The following CTR9 variants were observed in gnomAD, a reference collection of about 807,000 sequenced individuals.
CTR9 encodes RNA polymerase-associated protein CTR9 homolog.
CTR9 carries 41 observed loss-of-function variants against 152.1 expected under a neutral mutation model. The observed-to-expected ratio is 0.27, with a 90% CI of 0.21 to 0.35. CTR9 has a LOEUF of 0.35. CTR9 is among the 10% of genes least tolerant of loss of function. The pLI, the probability that CTR9 is intolerant of heterozygous loss-of-function variation, is 1.00. For missense variants in CTR9, 917 were observed against 1,424.4 expected (o/e 0.64, Z 5.73); for synonymous variants, 476 against 496.2 (o/e 0.96, Z 0.54).
chr11:10,752,583 G>T, intron 1 of CTR9, 89 bp from the exon 2 acceptor site: 1 of 860,516 alleles, frequency 1.2e-6, no homozygotes, highest in Non-Finnish European at 2.0e-6. Context: ...CTATGTATAT[G>T]CATGTTGATT....
chr11:10,775,442 C>T, intron 23 of CTR9, 79 bp from the exon 24 acceptor site: 11 of 1,374,602 alleles, frequency 8.0e-6, no homozygotes, highest in Non-Finnish European at 1.1e-5. Context: ...TTGATTGTAT[C>T]ATTGTAATGC....
At chr11:10,762,290 A>G (rs1862990545) in intron 7 of CTR9, among the ~76,000 whole-genome samples, 1 of 152,224 alleles carries the variant, frequency 6.6e-6, no homozygotes, top group African/African-American at 2.4e-5. Flanking sequence ...TGATGTGAAG[A>G]TTAGTAAAAC....
chr11:10,752,902 G>C, intron 2 of CTR9, 132 bp downstream of exon 2: 1 of 678,096 alleles, frequency 1.5e-6, no homozygotes, highest in Non-Finnish European at 2.5e-6. Flanking sequence ...AGTTAATTGT[G>C]TTAATAATTT....
intron 19 of CTR9, among the ~76,000 whole-genome samples, chr11:10,771,964 T>C (rs56146064): frequency 0.023 from 3,513 of 152,294 alleles, 63 homozygotes; most frequent in Middle Eastern, 0.065. Flanking sequence ...TTTGGAAACT[T>C]AACATAGTTG....
At chr11:10,760,916 A>G (rs1041184984) in intron 6 of CTR9, among the ~76,000 whole-genome samples, 3 of 152,180 alleles carry the variant, frequency 2.0e-5, no homozygotes, top group African/African-American at 7.2e-5. Context: ...TCTCATTATT[A>G]CATCGGTCTT....
intron 24 of CTR9, among the ~76,000 whole-genome samples, chr11:10,777,834 G>A (rs976120507): frequency 2.0e-5 from 3 of 152,152 alleles, no homozygotes; most frequent in Admixed American, 2.0e-4. Flanking sequence ...CGAACTCTGT[G>A]GGATTCAGTA....
At position 10,763,548 on chromosome 11, in the gene CTR9, T is replaced by A. The variant is rs1280505674; in HGVS notation, c.957+10T>A. ...ATCATTCCATGTTCAGGTAATTTTA[T>A]AACTTCTCTAAATGTCTAATCTTTT... On this transcript the variant is annotated intron_variant, in intron 8 of 24. Transcript: ENST00000361367. 3 of 1,587,486 alleles carry A rather than the reference T, an allele frequency of 1.9e-6. No homozygotes were observed. Among genetic ancestry groups the A allele is most frequent in the Middle Eastern group, 3.4e-4 (2 of 5,970 alleles).
intron 2 of CTR9, 148 bp from the exon 3 acceptor site, chr11:10,754,810 C>G (rs951107966): frequency 1.4e-6 from 1 of 738,032 alleles, no homozygotes; most frequent in East Asian, 2.7e-5. Flanking sequence ...GGATACACCA[C>G]AGCTTGTTTA....
At position 10,751,271 on chromosome 11, in the gene CTR9, A is replaced by G. The variant is rs1373460207; in HGVS notation, c.-142A>G. The G allele has an allele frequency of 1.1e-5, 9 of 819,332 alleles. No homozygotes were observed. The highest frequency in any genetic ancestry group is 1.8e-5 in the Non-Finnish European group (9 of 508,142). 50.8% of individuals were successfully genotyped at this position (819,332 alleles called of 1,614,324 possible). A position where few individuals can be genotyped will look rare whatever the true frequency, so the allele number is the denominator to read the frequency against. ...GTTGTTTAAGCGGCTGACGGGAAGG[A>G]GAAGCCAGAGCTCCAGCGGCGCCGC... On this transcript the variant is annotated 5_prime_UTR_variant, in exon 1 of 25. Transcript: ENST00000361367.
intron 7 of CTR9, among the ~76,000 whole-genome samples, chr11:10,762,268 A>G (rs1862990283): frequency 6.6e-6 from 1 of 152,176 alleles, no homozygotes; most frequent in African/African-American, 2.4e-5. Flanking sequence ...ACTGTACCCA[A>G]CACTGTGGTA....
In CTR9 at chr11:10,767,681, A is replaced by G; in HGVS notation, c.1687-125A>G. ...TGCAAAAAAAAAAAGAAAGAAAGAAAAGAAAGAAAACCACTGTTGTAATAT... is the reference window on the plus strand; with the variant it reads ...TGCAAAAAAAAAAAGAAAGAAAGAAGAGAAAGAAAACCACTGTTGTAATAT... On this transcript the variant is annotated intron_variant, in intron 13 of 24. Transcript: ENST00000361367. The surrounding 1 kb of genome is among the most constrained non-coding windows in gnomAD (Gnocchi z 4.0). The G allele has an allele frequency of 1.2e-6, 1 of 842,476 alleles. No individual in the cohort carries two copies. Among genetic ancestry groups the G allele is most frequent in the South Asian group, 1.9e-5 (1 of 51,682 alleles). The allele number at this position is 842,476 out of a possible 1,614,324, so 52.2% of individuals were successfully genotyped here.
At chr11:10,759,958 A>G (rs535438715) in intron 5 of CTR9, among the ~76,000 whole-genome samples, 3 of 152,302 alleles carry the variant, frequency 2.0e-5, no homozygotes, top group Non-Finnish European at 2.9e-5. Flanking sequence ...CTATAGTGAG[A>G]AATGTGTCAG....
intron 24 of CTR9, 60 bp from the exon 25 acceptor site, chr11:10,778,619 C>T: frequency 6.7e-7 from 1 of 1,499,250 alleles, no homozygotes; most frequent in Non-Finnish European, 9.1e-7. Flanking sequence ...ACATTGTCTG[C>T]TCATCAAGGC....
rs185081366 is a variant in CTR9 at position 10,765,557 on chromosome 11, G to C, written c.1597+826G>C. On this transcript the variant is annotated intron_variant, in intron 12 of 24. Coordinates refer to ENST00000361367, the MANE Select transcript of CTR9 (RefSeq NM_014633.5). ...GCTCACTGCAACCTCTGCCTCCCGG[G>C]TTGGAGTGATTCTCCTGCCTCAGCC... Among the ~76,000 whole-genome samples, 34 of 152,272 alleles carry C rather than the reference G, an allele frequency of 2.2e-4. No individual in the cohort carries two copies. In the East Asian group the frequency reaches 6.4e-3, roughly 29 times the overall value.
chr11:10,756,036 G>C (rs1464147474), intron 4 of CTR9, among the ~76,000 whole-genome samples: 5 of 152,188 alleles, frequency 3.3e-5, no homozygotes, highest in African/African-American at 1.2e-4. Context: ...TTGAGACCCT[G>C]TCTCGTTATA....
rs1039184387 is a variant in CTR9 at position 10,763,657 on chromosome 11, A to G, written c.972A>G (p.Gln324=). The change falls in exon 9 of 25, where the codon CAA becomes CAG. Residue 324 remains glutamine, a synonymous_variant. Transcript: ENST00000361367. ...RSFHVQEDYD[Q]AFQYYYQATQ... ...TCATTCTTTAGGAAGATTATGACCA[A>G]GCTTTTCAGTACTATTATCAAGCCA... 6 of 1,603,664 alleles carry G rather than the reference A, an allele frequency of 3.7e-6. No individual in the cohort carries two copies. The highest frequency in any genetic ancestry group is 1.4e-5 in the African/African-American group (1 of 74,028).
At chr11:10,772,728 A>G (rs948605086) in intron 20 of CTR9, 73 bp downstream of exon 20, 4 of 1,428,962 alleles carry the variant, frequency 2.8e-6, no homozygotes, top group Non-Finnish European at 3.7e-6. Flanking sequence ...GTTTAAAAAA[A>G]AAAGTCCTCT....
At chr11:10,773,397 C>A in intron 21 of CTR9, 124 bp downstream of exon 21, 1 of 1,130,376 alleles carries the variant, frequency 8.8e-7, no homozygotes, top group Non-Finnish European at 1.3e-6. Flanking sequence ...TGTTAAGAGA[C>A]AGTCTTCTAA....
chr11:10,770,740 C>A, intron 18 of CTR9, 108 bp downstream of exon 18: 1 of 1,035,350 alleles, frequency 9.7e-7, no homozygotes, highest in Non-Finnish European at 1.4e-6. Context: ...AGCTATTTGT[C>A]TCAAGCTGCT....
Sources: allele counts gnomAD v4.1 joint callset (sites outside exome capture counted in the v4.1 genomes callset), GRCh38; gene constraint gnomAD v4.1.1; non-coding constraint Gnocchi (gnomAD v3.1); transcripts MANE v1.5; gene names NCBI Gene and HGNC (gene_info 2026-07-23, HGNC 2026-07-21).